The following PCP4L1 variants were observed in gnomAD, a reference collection of about 807,000 sequenced individuals.
PCP4L1 encodes the protein Purkinje cell protein 4-like protein 1.
A neutral mutation model predicts 9.6 loss-of-function variants in PCP4L1; 9 were observed. That is an observed-to-expected ratio of 0.94 (90% CI 0.57 to 1.64). The LOEUF is 1.64. PCP4L1 is among the 40% of genes most tolerant of loss of function. The pLI is 0.00. For synonymous variants in PCP4L1, 31 were observed against 28.2 expected (o/e 1.10, Z -0.31); for missense variants, 81 against 80.8 (o/e 1.00, Z -0.01).
At position 161,275,965 on chromosome 1, in the gene PCP4L1, T is replaced by G. The variant is rs1037570441; in HGVS notation, c.10-7703T>G. Reference sequence around the variant, plus strand: ...TGCCTGCCACCACGCCCAGCTAATTTTGTGTTTTTAGTAGAGATGGGGTTT... The same window carrying G: ...TGCCTGCCACCACGCCCAGCTAATTGTGTGTTTTTAGTAGAGATGGGGTTT... On this transcript the variant is annotated intron_variant, in intron 1 of 2. Transcript: ENST00000504449. Among the ~76,000 whole-genome samples the G allele has an allele frequency of 5.9e-5, 9 of 151,898 alleles. No individual in the cohort carries two copies. In the South Asian group the frequency reaches 8.3e-4, roughly 14 times the overall value.
chr1:161,270,083 G>A (rs1669597366), intron 1 of PCP4L1, among the ~76,000 whole-genome samples: 1 of 151,662 alleles, frequency 6.6e-6, no homozygotes, highest in Admixed American at 6.6e-5. Context: ...GATCACCTGA[G>A]GTCAGAAGTT....
At chr1:161,261,351 G>C (rs1254353024) in intron 1 of PCP4L1, among the ~76,000 whole-genome samples, 1 of 152,226 alleles carries the variant, frequency 6.6e-6, no homozygotes, top group Non-Finnish European at 1.5e-5. Flanking sequence ...CTCTGGCTCT[G>C]CCTTGCCTTT....
chr1:161,258,791 T>C lies in PCP4L1; in HGVS notation c.-184T>C, dbSNP rs1025367205. The C allele has an allele frequency of 2.1e-6, 2 of 957,884 alleles. No homozygotes were observed. The highest frequency in any genetic ancestry group is 1.5e-5 in the South Asian group (1 of 66,430). The allele number at this position is 957,884 out of a possible 1,614,324, so 59.3% of individuals were successfully genotyped here. ...TCGCAGGGGGTCGCCTGGCCGGAGCTGGGCTCCGAGAATCCCGGGTGCCAG... is the reference window on the plus strand; with the variant it reads ...TCGCAGGGGGTCGCCTGGCCGGAGCCGGGCTCCGAGAATCCCGGGTGCCAG... On this transcript the variant is annotated 5_prime_UTR_variant, in exon 1 of 3. Coordinates refer to ENST00000504449, the MANE Select transcript of PCP4L1 (RefSeq NM_001102566.2).
In PCP4L1 at chr1:161,284,367, G is replaced by C. The variant is rs777750222; in HGVS notation, c.93G>C (p.Glu31Asp). ...AAGCTGGCAATGTCAAGAAGGCGGA[G>C]GAGGAGGAGGAGATTGACATTGATC... ...KGKAGNVKKA[E>D]EEEEIDIDLT... The change falls in exon 3 of 3, where the codon GAG becomes GAC. Residue 31 changes from glutamate (E) to aspartate (D), a missense_variant. Transcript: ENST00000504449. 1.2e-6 allele frequency: 2 copies of C among 1,613,844 alleles called. No homozygotes were observed. The highest frequency in any genetic ancestry group is 1.7e-6 in the Non-Finnish European group (2 of 1,179,880).
At chr1:161,261,273 C>G (rs572044235) in intron 1 of PCP4L1, among the ~76,000 whole-genome samples, 1 of 152,316 alleles carries the variant, frequency 6.6e-6, no homozygotes, top group East Asian at 1.9e-4. Context: ...AGAACAAAAC[C>G]AGGGAGGAGT....
chr1:161,271,271 T>A lies in PCP4L1; in HGVS notation c.9+12288T>A, dbSNP rs116909340. Among the ~76,000 whole-genome samples, 70 of 152,328 alleles carry A rather than the reference T, an allele frequency of 4.6e-4. No homozygotes were observed. In the East Asian group the frequency reaches 0.013, roughly 29 times the overall value. On this transcript the variant is annotated intron_variant, in intron 1 of 2. Transcript: ENST00000504449. Reference sequence around the variant, plus strand: ...TAATAGGTATGTGGTGATATCTCATTGTGGTTTTAATTTGCATTTCCCAAA... The same window carrying A: ...TAATAGGTATGTGGTGATATCTCATAGTGGTTTTAATTTGCATTTCCCAAA...
At chr1:161,278,403 C>A (rs1397117008) in intron 1 of PCP4L1, among the ~76,000 whole-genome samples, 3 of 151,440 alleles carry the variant, frequency 2.0e-5, no homozygotes, top group Admixed American at 6.6e-5. Flanking sequence ...TTCTTTCTTT[C>A]CTTCTTTCCT....
intron 1 of PCP4L1, among the ~76,000 whole-genome samples, chr1:161,267,606 C>A (rs1186870904): frequency 6.6e-6 from 1 of 152,136 alleles, no homozygotes; most frequent in Non-Finnish European, 1.5e-5. Flanking sequence ...GAAGATTGGG[C>A]CTAGAGTTAT....
At chr1:161,283,863 A>G (rs1669863327) in intron 2 of PCP4L1, 141 bp downstream of exon 2, 1 of 805,544 alleles carries the variant, frequency 1.2e-6, no homozygotes, top group Admixed American at 2.7e-5. Context: ...CCAGTTTGGA[A>G]CTACAGTACT....
Position 161,258,805 on chromosome 1 carries a change from C to A in PCP4L1, c.-170C>A, listed in dbSNP as rs1288042297. ...CTGGCCGGAGCTGGGCTCCGAGAAT[C>A]CCGGGTGCCAGCACCAGAGCAGCGG... On this transcript the variant is annotated 5_prime_UTR_variant, in exon 1 of 3. Transcript: ENST00000504449. 3 of 1,075,230 alleles carry A rather than the reference C, an allele frequency of 2.8e-6. No individual in the cohort carries two copies. The highest frequency in any genetic ancestry group is 4.1e-6 in the Non-Finnish European group (3 of 739,768). 66.6% of individuals were successfully genotyped at this position (1,075,230 alleles called of 1,614,324 possible). A position where few individuals can be genotyped will look rare whatever the true frequency, so the allele number is the denominator to read the frequency against.
chr1:161,281,032 T>G (rs1014436648), intron 1 of PCP4L1, among the ~76,000 whole-genome samples: 1 of 151,718 alleles, frequency 6.6e-6, no homozygotes, highest in Admixed American at 6.6e-5. Context: ...GATTAGGGAG[T>G]GGTGATGACT....
intron 1 of PCP4L1, among the ~76,000 whole-genome samples, chr1:161,266,846 T>C (rs10494345): frequency 0.14 from 21,369 of 152,158 alleles, 1,568 homozygotes; most frequent in Middle Eastern, 0.16. Flanking sequence ...AGAATTGAAA[T>C]GGTTCCAACG....
rs34089226 is a variant in PCP4L1, at chr1:161,269,998, C to CA, written c.9+11027dup. ...TGGGCAACAGAATAAGACCTTGTCT[C>CA]AAAAAAAAAAAATAAGGACTGGGCG... is the stretch of plus-strand genomic sequence containing the variant. On this transcript the variant is annotated intron_variant, in intron 1 of 2. Transcript: ENST00000504449. Among the ~76,000 whole-genome samples the CA allele has an allele frequency of 3.7e-3, 535 of 145,764 alleles. 4 individuals carry two copies. Among genetic ancestry groups the CA allele is most frequent in the African/African-American group, 8.6e-3 (340 of 39,660 alleles).
At chr1:161,259,459 C>T (rs1669382605) in intron 1 of PCP4L1, among the ~76,000 whole-genome samples, 1 of 152,208 alleles carries the variant, frequency 6.6e-6, no homozygotes. Context: ...AGAAAGGTGG[C>T]ATCCTGCCCT....
At chr1:161,267,136 G>T (rs17394098) in intron 1 of PCP4L1, among the ~76,000 whole-genome samples, 4 of 152,120 alleles carry the variant, frequency 2.6e-5, no homozygotes, top group African/African-American at 9.7e-5. Context: ...CAAGGAAAGG[G>T]ATTTTTAAAG....
intron 1 of PCP4L1, among the ~76,000 whole-genome samples, chr1:161,279,317 G>A (rs1484888753): frequency 6.6e-6 from 1 of 152,156 alleles, no homozygotes; most frequent in Non-Finnish European, 1.5e-5. Context: ...TGTTGAATAA[G>A]TGCAGGGACT....
At chr1:161,260,392 G>T (rs762228736) in intron 1 of PCP4L1, among the ~76,000 whole-genome samples, 1 of 152,186 alleles carries the variant, frequency 6.6e-6, no homozygotes, top group African/African-American at 2.4e-5. Flanking sequence ...AGAAAAAAAC[G>T]CATCAACCTC....
intron 1 of PCP4L1, among the ~76,000 whole-genome samples, chr1:161,278,941 CTTGA>C (rs1484196109): frequency 1.3e-5 from 2 of 152,154 alleles, no homozygotes; most frequent in African/African-American, 4.8e-5. Context: ...CGCCACCATG[CTTGA>C]TTAATTTTTG....
At chr1:161,278,404 C>T (rs550491811) in intron 1 of PCP4L1, among the ~76,000 whole-genome samples, 4 of 150,784 alleles carry the variant, frequency 2.7e-5, no homozygotes, top group East Asian at 1.9e-4. Context: ...TCTTTCTTTC[C>T]TTCTTTCCTT....
Sources: allele counts gnomAD v4.1 joint callset (sites outside exome capture counted in the v4.1 genomes callset), GRCh38; gene constraint gnomAD v4.1.1; transcripts MANE v1.5; gene names NCBI Gene and HGNC (gene_info 2026-07-23, HGNC 2026-07-21).